The following FCHSD1 variants were observed in gnomAD, a reference collection of about 807,000 sequenced individuals.
FCHSD1 encodes the protein F-BAR and double SH3 domains protein 1.
In FCHSD1, 109 loss-of-function variants were observed where a neutral mutation model predicts 101.3. That is an observed-to-expected ratio of 1.08 (90% CI 0.92 to 1.26). The LOEUF is 1.26. Ranked by LOEUF, FCHSD1 falls within the 50% of genes most tolerant of loss-of-function variation. The probability of loss-of-function intolerance (pLI) is 0.00; values close to 1 mark genes in which losing one functional copy is unlikely to be tolerated. For synonymous variants in FCHSD1, 291 were observed against 356.8 expected, an observed-to-expected ratio of 0.82 and a Z score of 2.08; for missense variants, 820 against 895.8, an observed-to-expected ratio of 0.92 and a Z score of 1.08.
Position 141,645,790 on chromosome 5 carries a change from T to C in FCHSD1, c.1292A>G (p.Gln431Arg). The C allele has an allele frequency of 6.2e-7, 1 of 1,611,154 alleles. No homozygotes were observed. The highest frequency in any genetic ancestry group is 8.5e-7 in the Non-Finnish European group (1 of 1,178,832). The change falls in exon 13 of 20, where the codon CAG (glutamine) becomes CGG (arginine). Residue 431 changes from glutamine (Q) to arginine (R), a missense_variant. By Grantham distance (43) the Gln-to-Arg change is conservative. Coordinates refer to ENST00000435817, the MANE Select transcript of FCHSD1 (RefSeq NM_033449.3). ...ERRLSEARLS[Q>R]RDLSPTAEDA... Reference sequence around the variant, plus strand: ...GCTCACGGTTGGAGAGAGGTCCCTCTGGGACAGCCGAGCCTCACTGAGCCG... The same window carrying C: ...GCTCACGGTTGGAGAGAGGTCCCTCCGGGACAGCCGAGCCTCACTGAGCCG...
rs761055773 is a variant in FCHSD1, at chr5:141,649,115, G to C, written c.512+57C>G. 476 of 1,613,592 alleles carry C rather than the reference G, an allele frequency of 2.9e-4. 1 individual carries two copies. The highest frequency in any genetic ancestry group is 3.8e-4 in the Non-Finnish European group (443 of 1,179,722). On this transcript the variant is annotated intron_variant, in intron 6 of 19. Transcript: ENST00000435817. The surrounding 1 kb of genome is among the most constrained non-coding windows in gnomAD (Gnocchi z 4.1). ...CTTTGGTGACTTGGCTCCACCCCTA[G>C]ACAGCCCCACCTCCCTGTTCCCCAA...
chr5:141,640,689 T>A lies in FCHSD1; in HGVS notation c.*809A>T. 1 of 1,534,938 alleles carries A rather than the reference T, an allele frequency of 6.5e-7. No individual in the cohort carries two copies. On this transcript the variant is annotated 3_prime_UTR_variant, in exon 20 of 20. Transcript: ENST00000435817. ...CTCCAAGTCTCCTTCATTGTGCTGA[T>A]GGACTACCAGCTGGCAGGGCCAGGG...
rs745936031 is a variant in FCHSD1 at position 141,645,110 on chromosome 5, C to T, written c.1350G>A (p.Glu450=). The T allele has an allele frequency of 1.3e-6, 2 of 1,570,032 alleles. No homozygotes were observed. Among genetic ancestry groups the T allele is most frequent in the South Asian group, 2.4e-5 (2 of 83,578 alleles). ...DAELSDFEEC[E]ETGELFEEPA... ...GCTCCTCAAAGAGCTCTCCCGTCTC[C>T]TCACATTCCTCAAAGTCAGAAAGCT... Residue 450 remains glutamate (E), a synonymous_variant, in exon 14 of 20, where the codon GAG becomes GAA. Transcript: ENST00000435817.
chr5:141,648,904 G>A, intron 7 of FCHSD1, 53 bp downstream of exon 7: 2 of 1,600,280 alleles, frequency 1.2e-6, no homozygotes, highest in Non-Finnish European at 1.7e-6. Context: ...CAAACCACTA[G>A]ACTACTCTGC....
At position 141,648,038 on chromosome 5, in the gene FCHSD1, A is replaced by G. The variant is rs1396274628; in HGVS notation, c.635T>C (p.Leu212Pro). The change falls in exon 8 of 20, where the codon CTG becomes CCG. Residue 212 changes from leucine to proline, a missense_variant. Leu to Pro is a moderately conservative substitution (Grantham distance 98). Coordinates refer to ENST00000435817, the MANE Select transcript of FCHSD1 (RefSeq NM_033449.3). ...QQLQAARNEY[L>P]LNLVATNAHL... Reference sequence around the variant, plus strand: ...GGCATTGGTAGCCACCAAGTTAAGCAGGTACTCATTGCGGGCTGCTTGCAG... The same window carrying G: ...GGCATTGGTAGCCACCAAGTTAAGCGGGTACTCATTGCGGGCTGCTTGCAG... The G allele has an allele frequency of 3.7e-6, 6 of 1,613,528 alleles. No homozygotes were observed. Among genetic ancestry groups the G allele is most frequent in the Non-Finnish European group, 5.1e-6 (6 of 1,179,744 alleles).
chr5:141,648,073 G>A lies in FCHSD1; in HGVS notation c.600C>T (p.Tyr200=). The part of the protein sequence containing the change: ...STKLSAQSAQ[Y]SQQLQAARNE... ...TGCGGGCTGCTTGCAGCTGCTGGGA[G>A]TACTGGGCTGACTGGGCGGACAGCT... The change falls in exon 8 of 20, where the codon TAC becomes TAT. Residue 200 remains tyrosine (Y), a synonymous_variant. Coordinates refer to ENST00000435817, the MANE Select transcript of FCHSD1 (RefSeq NM_033449.3). The A allele has an allele frequency of 3.7e-6, 6 of 1,613,080 alleles. No homozygotes were observed. Among genetic ancestry groups the A allele is most frequent in the Non-Finnish European group, 4.2e-6 (5 of 1,179,266 alleles).
rs944174878 is a variant in FCHSD1, at chr5:141,640,918, G to A, written c.*580C>T. 39 of 538,198 alleles carry A rather than the reference G, an allele frequency of 7.2e-5. No homozygotes were observed. The highest frequency in any genetic ancestry group is 4.8e-4 in the Middle Eastern group (1 of 2,076). The allele number at this position is 538,198 out of a possible 1,614,324, so 33.3% of individuals were successfully genotyped here. On this transcript the variant is annotated 3_prime_UTR_variant, in exon 20 of 20. Transcript: ENST00000435817. ...AACACCTCGCTCCATATGATAGAGC[G>A]TGGCAGCTGGGAGCAGGCCCCTGCC...
rs1562386300 is a variant in FCHSD1 at position 141,644,374 on chromosome 5, C to G, written c.1707G>C (p.Glu569Asp). 1 of 1,613,948 alleles carries G rather than the reference C, an allele frequency of 6.2e-7. No homozygotes were observed. The highest frequency in any genetic ancestry group is 8.5e-7 in the Non-Finnish European group (1 of 1,179,870). ...GGGGCAGCAGACGGATGAGTGCCCC[C>G]TCAGGGAAGCTCAGCTCCTCTGCAC... is the stretch of plus-strand genomic sequence containing the variant. Reference protein sequence around the residue: ...GQSAEELSFPEGALIRLLPRA... With the variant: ...GQSAEELSFPDGALIRLLPRA... Residue 569 changes from glutamate (E) to aspartate (D), a missense_variant, in exon 17 of 20, where the codon GAG (glutamate) becomes GAC (aspartate). By Grantham distance (45) the Glu-to-Asp change is conservative. Transcript: ENST00000435817.
intron 18 of FCHSD1, chr5:141,642,781 C>T (rs2099907112): frequency 1.8e-6 from 1 of 560,986 alleles, no homozygotes. Context: ...TCATAAAGAA[C>T]ATAAACTGAG....
In FCHSD1 at chr5:141,639,822, G is replaced by A. The variant is rs550054398; in HGVS notation, c.*1676C>T. ...AGGCCTCCCCTACCTTAGGCCAGAGGGAAGTAGCCACCAAACTCAGGATGT... is the reference window on the plus strand; with the variant it reads ...AGGCCTCCCCTACCTTAGGCCAGAGAGAAGTAGCCACCAAACTCAGGATGT... On this transcript the variant is annotated 3_prime_UTR_variant, in exon 20 of 20. Transcript: ENST00000435817. This position sits in a 1 kb window ranked among gnomAD's most constrained non-coding sequence, Gnocchi z 4.4. The A allele has an allele frequency of 5.6e-5, 79 of 1,399,712 alleles. 1 individual carries two copies. In the African/African-American group the frequency reaches 7.5e-4, roughly 13 times the overall value. 86.7% of individuals were successfully genotyped at this position (1,399,712 alleles called of 1,614,324 possible).
At position 141,640,164 on chromosome 5, in the gene FCHSD1, C is replaced by G. The variant is rs770859414; in HGVS notation, c.*1334G>C. ...ACTCAGGGACAGCAGCCTAACCCCT[C>G]GTGCACTTGAAGGGAACCCCAGAGC... On this transcript the variant is annotated 3_prime_UTR_variant, in exon 20 of 20. Transcript: ENST00000435817. 1 of 1,614,022 alleles carries G rather than the reference C, an allele frequency of 6.2e-7. No homozygotes were observed. Among genetic ancestry groups the G allele is most frequent in the Admixed American group, 1.7e-5 (1 of 60,004 alleles).
chr5:141,645,294 AC>A, intron 13 of FCHSD1, 146 bp from the exon 14 acceptor site: 2 of 1,143,890 alleles, frequency 1.7e-6, no homozygotes, highest in Non-Finnish European at 2.4e-6. Flanking sequence ...AACCACAGTC[AC>A]CACAGAGCAG....
In FCHSD1 at chr5:141,640,917, C is replaced by T. The variant is rs186830089; in HGVS notation, c.*581G>A. ...CAACACCTCGCTCCATATGATAGAG[C>T]GTGGCAGCTGGGAGCAGGCCCCTGC... is the stretch of plus-strand genomic sequence containing the variant. On this transcript the variant is annotated 3_prime_UTR_variant, in exon 20 of 20. Transcript: ENST00000435817. 5.9e-5 allele frequency: 32 copies of T among 538,432 alleles called. 1 individual carries two copies. The highest frequency in any genetic ancestry group is 5.1e-4 in the Admixed American group (15 of 29,646). The allele number at this position is 538,432 out of a possible 1,614,324, so 33.4% of individuals were successfully genotyped here. A position where few individuals can be genotyped will look rare whatever the true frequency, so the allele number is the denominator to read the frequency against.
intron 1 of FCHSD1, 21 bp downstream of exon 1, chr5:141,651,327 C>G (rs1389708388): frequency 6.4e-7 from 1 of 1,553,296 alleles, no homozygotes; most frequent in Admixed American, 1.9e-5. Context: ...GCCAGGAGTC[C>G]CCATTCAGGG....
Position 141,647,152 on chromosome 5 carries a change from G to A in FCHSD1, c.907C>T (p.Pro303Ser). ...GATCTCACCTGATCAGTCCCTGCTGGCTGAAACTGCTGAGGTGGGGTGGGG... is the reference window on the plus strand; with the variant it reads ...GATCTCACCTGATCAGTCCCTGCTGACTGAAACTGCTGAGGTGGGGTGGGG... Reference protein sequence around the residue: ...FSPTPPQQFQPAGTDQVCVLE... With the variant: ...FSPTPPQQFQSAGTDQVCVLE... Residue 303 changes from proline to serine, a missense_variant, in exon 10 of 20, where the codon CCA becomes TCA. Physicochemically the swap from Pro to Ser is moderately conservative, Grantham distance 74. Transcript: ENST00000435817. 5.0e-6 allele frequency: 8 copies of A among 1,608,088 alleles called. No homozygotes were observed. The highest frequency in any genetic ancestry group is 6.8e-6 in the Non-Finnish European group (8 of 1,177,270).
chr5:141,644,024 G>A (rs1343601667), intron 17 of FCHSD1, among the ~76,000 whole-genome samples, 194 bp downstream of exon 17: 3 of 152,126 alleles, frequency 2.0e-5, no homozygotes, highest in African/African-American at 4.8e-5. Context: ...ACTAAAGTAG[G>A]ACCCCCCAAA....
rs1161408914 is a variant in FCHSD1 at position 141,639,777 on chromosome 5, A to G, written c.*1721T>C. 31 of 1,277,850 alleles carry G rather than the reference A, an allele frequency of 2.4e-5. No individual in the cohort carries two copies. Among genetic ancestry groups the G allele is most frequent in the Non-Finnish European group, 2.9e-5 (26 of 904,786 alleles). The allele number at this position is 1,277,850 out of a possible 1,614,324, so 79.2% of individuals were successfully genotyped here. ...GCTCCGGCAGAAGTCAGGCTACACA[A>G]TGTGCCCCACAATCTGAGAAGGCCT... On this transcript the variant is annotated 3_prime_UTR_variant, in exon 20 of 20. Transcript: ENST00000435817. The surrounding 1 kb of genome is among the most constrained non-coding windows in gnomAD (Gnocchi z 4.4).
chr5:141,650,902 G>T, intron 2 of FCHSD1, 118 bp downstream of exon 2: 1 of 961,224 alleles, frequency 1.0e-6, no homozygotes, highest in Non-Finnish European at 1.6e-6. Flanking sequence ...TGAGGGCTGT[G>T]GATGGGTCGG....
rs1026196348 is a variant in FCHSD1 at position 141,651,191 on chromosome 5, G to A, written c.22-74C>T. Reference sequence around the variant, plus strand: ...ACACTCCGCGCAGGGAGCGGTGAGGGGGCGGGGCCGGGGGGGTGCTGAGCT... The same window carrying A: ...ACACTCCGCGCAGGGAGCGGTGAGGAGGCGGGGCCGGGGGGGTGCTGAGCT... On this transcript the variant is annotated intron_variant, in intron 1 of 19. Coordinates refer to ENST00000435817, the MANE Select transcript of FCHSD1 (RefSeq NM_033449.3). 8.7e-6 allele frequency: 13 copies of A among 1,496,416 alleles called. No individual in the cohort carries two copies. The African/African-American group carries it at 1.1e-4, about 13-fold the overall frequency. 92.7% of individuals were successfully genotyped at this position (1,496,416 alleles called of 1,614,324 possible).
Sources: allele counts gnomAD v4.1 joint callset (sites outside exome capture counted in the v4.1 genomes callset), GRCh38; gene constraint gnomAD v4.1.1; non-coding constraint Gnocchi (gnomAD v3.1); transcripts MANE v1.5; gene names NCBI Gene and HGNC (gene_info 2026-07-23, HGNC 2026-07-21).